The following ANK1 variants were observed in gnomAD, a reference collection of about 807,000 sequenced individuals.
The protein encoded by ANK1 is ankyrin 1.
ANK1 carries 51 observed loss-of-function variants against 210.4 expected under a neutral mutation model. The observed-to-expected ratio is 0.24, with a 90% CI of 0.19 to 0.31. ANK1 has a LOEUF of 0.31. Among genes scored for constraint, ANK1 ranks in the 10% least tolerant of loss-of-function variants. ANK1 has a pLI of 1.00. For missense variants in ANK1, 2,051 were observed against 2,504.4 expected, an observed-to-expected ratio of 0.82 and a Z score of 3.86; for synonymous variants, 967 against 1,025.9, an observed-to-expected ratio of 0.94 and a Z score of 1.10.
intron 1 of ANK1, among the ~76,000 whole-genome samples, chr8:41,896,045 C>G (rs1157798517): frequency 6.6e-6 from 1 of 152,222 alleles, no homozygotes; most frequent in African/African-American, 2.4e-5. Context: ...GGTCCTAGAG[C>G]AGCGCGGGCC....
intron 26 of ANK1, 127 bp from the exon 27 acceptor site, chr8:41,695,458 C>T: frequency 7.5e-7 from 1 of 1,340,522 alleles, no homozygotes. Flanking sequence ...GAGGCCCCAC[C>T]TGCAGGCAGG....
At chr8:41,848,187 A>AAAT (rs1810441116) in intron 1 of ANK1, among the ~76,000 whole-genome samples, 1 of 142,872 alleles carries the variant, frequency 7.0e-6, no homozygotes, top group Non-Finnish European at 1.5e-5. Flanking sequence ...CTCAATTTCA[A>AAAT]AAATAAATAA....
At chr8:41,892,030 G>A (rs561000027) in intron 1 of ANK1, among the ~76,000 whole-genome samples, 7 of 152,256 alleles carry the variant, frequency 4.6e-5, no homozygotes, top group Non-Finnish European at 7.4e-5. Flanking sequence ...CAATTTTGTC[G>A]GCAATCTCTT....
intron 1 of ANK1, among the ~76,000 whole-genome samples, chr8:41,880,360 A>C (rs912200611): frequency 1.3e-5 from 2 of 152,242 alleles, no homozygotes; most frequent in African/African-American, 4.8e-5. Flanking sequence ...TGAGATTATC[A>C]GTGTTAATGG....
chr8:41,837,956 T>C (rs1174800663), intron 1 of ANK1, among the ~76,000 whole-genome samples: 1 of 152,166 alleles, frequency 6.6e-6, no homozygotes, highest in African/African-American at 2.4e-5. Context: ...CAGGGCAGGC[T>C]CTGGCCACCT....
intron 1 of ANK1, among the ~76,000 whole-genome samples, chr8:41,822,077 AG>A (rs1804387736): frequency 7.8e-5 from 2 of 25,682 alleles, no homozygotes; most frequent in African/African-American, 9.9e-4. Context: ...AGAGAGAGAG[AG>A]AGAGAGAGAG....
chr8:41,800,090 G>T (rs73675137), upstream of ANK1, among the ~76,000 whole-genome samples: 1 of 152,080 alleles, frequency 6.6e-6, no homozygotes, highest in African/African-American at 2.4e-5. Flanking sequence ...CTGTCCCCAC[G>T]CTGGAAATGC....
Position 41,688,330 on chromosome 8 carries a change from G to C in ANK1, c.4184-100C>G. On this transcript the variant is annotated intron_variant, in intron 34 of 42. Coordinates refer to ENST00000289734, the MANE Select transcript of ANK1 (RefSeq NM_000037.4). ...ATGGATGTGGCTTCCGTGTGCACTG[G>C]GGTGATTGTCTAGACTCTCTGCAAG... 4 of 1,456,706 alleles carry C rather than the reference G, an allele frequency of 2.7e-6. No homozygotes were observed. In the South Asian group the frequency reaches 3.4e-5, roughly 12 times the overall value. 90.2% of individuals were successfully genotyped at this position (1,456,706 alleles called of 1,614,324 possible). A position where few individuals can be genotyped will look rare whatever the true frequency, so the allele number is the denominator to read the frequency against.
chr8:41,865,667 G>C (rs1477769609), intron 1 of ANK1, among the ~76,000 whole-genome samples: 1 of 151,902 alleles, frequency 6.6e-6, no homozygotes, highest in Non-Finnish European at 1.5e-5. Flanking sequence ...CATGCACTCA[G>C]CCAGCCTCAC....
At chr8:41,834,305 G>C (rs16890877) in intron 1 of ANK1, among the ~76,000 whole-genome samples, 2 of 152,224 alleles carry the variant, frequency 1.3e-5, no homozygotes, top group Non-Finnish European at 2.9e-5. Flanking sequence ...CAGCAGACTC[G>C]GGAGAATAAC....
chr8:41,714,172 G>A lies in ANK1; in HGVS notation c.1784C>T (p.Pro595Leu), dbSNP rs375429085. ...GGGCCTTACCCAGGCAGGGCTGTGCGGGGAGCCGCCCCGGGGAAGCAGCAG... is the reference window on the plus strand; with the variant it reads ...GGGCCTTACCCAGGCAGGGCTGTGCAGGGAGCCGCCCCGGGGAAGCAGCAG... ...VKLLLPRGGSPHSPAWNGYTP... is the reference protein window; with the variant it reads ...VKLLLPRGGSLHSPAWNGYTP... Residue 595 changes from proline to leucine, a missense_variant, in exon 16 of 43, where the codon CCG becomes CTG. Pro to Leu is a moderately conservative substitution (Grantham distance 98). This residue lies in a region of ANK1 where 1,413 missense variants were observed against 1,707.4 expected (regional missense o/e 0.83). Coordinates refer to ENST00000289734, the MANE Select transcript of ANK1 (RefSeq NM_000037.4). 29 of 1,435,586 alleles carry A rather than the reference G, an allele frequency of 2.0e-5. No individual in the cohort carries two copies. Among genetic ancestry groups the A allele is most frequent in the African/African-American group, 2.8e-5 (2 of 71,174 alleles). 88.9% of individuals were successfully genotyped at this position (1,435,586 alleles called of 1,614,324 possible).
intron 1 of ANK1, among the ~76,000 whole-genome samples, chr8:41,888,313 A>C (rs1038661197): frequency 2.0e-5 from 3 of 152,254 alleles, no homozygotes; most frequent in African/African-American, 7.2e-5. Context: ...ATCTGATCAT[A>C]GGTACACACG....
At chr8:41,656,776 T>C (rs1370157317) in intron 42 of ANK1, among the ~76,000 whole-genome samples, 2 of 151,804 alleles carry the variant, frequency 1.3e-5, no homozygotes, top group African/African-American at 4.8e-5. Flanking sequence ...GGTGAAGGGG[T>C]TGGGGAGGAG....
intron 4 of ANK1, among the ~76,000 whole-genome samples, chr8:41,727,705 A>G (rs1021105287): frequency 3.9e-5 from 6 of 152,218 alleles, no homozygotes; most frequent in Non-Finnish European, 7.3e-5. Context: ...CAACCCCGTC[A>G]TGCTTAGGAC....
intron 2 of ANK1, among the ~76,000 whole-genome samples, chr8:41,751,103 A>G (rs1468316775): frequency 6.6e-6 from 1 of 152,176 alleles, no homozygotes; most frequent in African/African-American, 2.4e-5. Context: ...TGACTCATCA[A>G]TGTGTATAGT....
At position 41,797,522 on chromosome 8, in the gene ANK1, C is replaced by T; in HGVS notation, c.17G>A (p.Gly6Asp). MPYSV[G>D]FREADAATSF... ...CCGCCCAGTACTCACTTCGCGGAAGCCCACAGAATAGGGCATGCCGGTCTT... is the reference window on the plus strand; with the variant it reads ...CCGCCCAGTACTCACTTCGCGGAAGTCCACAGAATAGGGCATGCCGGTCTT... The change falls in exon 1 of 43, where the codon GGC becomes GAC. Residue 6 changes from glycine to aspartate, a missense_variant. Coordinates refer to ENST00000289734, the MANE Select transcript of ANK1 (RefSeq NM_000037.4). This position sits in a 1 kb window ranked among gnomAD's most constrained non-coding sequence, Gnocchi z 4.0. 2 of 1,613,816 alleles carry T rather than the reference C, an allele frequency of 1.2e-6. No individual in the cohort carries two copies. The highest frequency in any genetic ancestry group is 2.2e-5 in the South Asian group (2 of 91,044).
chr8:41,838,440 C>G (rs1395360103), intron 1 of ANK1, among the ~76,000 whole-genome samples: 1 of 152,174 alleles, frequency 6.6e-6, no homozygotes, highest in Non-Finnish European at 1.5e-5. Flanking sequence ...GTGCCCCAGA[C>G]TGCTGTATTA....
chr8:41,744,858 C>G (rs1214084598), intron 2 of ANK1, among the ~76,000 whole-genome samples: 2 of 152,222 alleles, frequency 1.3e-5, no homozygotes, highest in Non-Finnish European at 2.9e-5. Flanking sequence ...TATGGTATTC[C>G]TGTCCAGCAT....
intron 1 of ANK1, among the ~76,000 whole-genome samples, chr8:41,821,432 G>A (rs1054506961): frequency 2.0e-5 from 3 of 152,054 alleles, no homozygotes; most frequent in Admixed American, 6.5e-5. Context: ...CTCTTTAGGG[G>A]ACAGAGATTG....
Sources: allele counts gnomAD v4.1 joint callset (sites outside exome capture counted in the v4.1 genomes callset), GRCh38; gene constraint gnomAD v4.1.1; regional missense constraint gnomAD v4.1.1; non-coding constraint Gnocchi (gnomAD v3.1); transcripts MANE v1.5; gene names NCBI Gene and HGNC (gene_info 2026-07-23, HGNC 2026-07-21).